The following CADM1 variants were observed in gnomAD, a reference collection of about 807,000 sequenced individuals.
CADM1 encodes the protein TSLC-1.
CADM1 carries 15 observed loss-of-function variants against 53.1 expected under a neutral mutation model. That is an observed-to-expected ratio of 0.28 (90% CI 0.19 to 0.44). The LOEUF is 0.44. Among genes scored for constraint, CADM1 ranks in the 20% least tolerant of loss-of-function variants. The pLI is 1.00. For synonymous variants in CADM1, 281 were observed against 243.0 expected (o/e 1.16, Z -1.45); for missense variants, 434 against 611.3 (o/e 0.71, Z 3.06).
chr11:115,338,616 T>C (rs1392635932), intron 1 of CADM1, among the ~76,000 whole-genome samples: 1 of 152,134 alleles, frequency 6.6e-6, no homozygotes, highest in Non-Finnish European at 1.5e-5. Context: ...CGGCAGATGC[T>C]CACACGTAGG....
At chr11:115,323,109 T>C (rs1198380371) in intron 1 of CADM1, among the ~76,000 whole-genome samples, 1 of 152,194 alleles carries the variant, frequency 6.6e-6, no homozygotes, top group African/African-American at 2.4e-5. Flanking sequence ...TATTGTCTTC[T>C]TGTTAAATTC....
At chr11:115,333,093 T>C (rs1450192086) in intron 1 of CADM1, among the ~76,000 whole-genome samples, 1 of 152,144 alleles carries the variant, frequency 6.6e-6, no homozygotes, top group Non-Finnish European at 1.5e-5. Flanking sequence ...CAAAGCTGTT[T>C]AGCAAATTCC....
intron 1 of CADM1, among the ~76,000 whole-genome samples, chr11:115,475,549 A>ATAG (rs1206137078): frequency 6.6e-6 from 1 of 152,236 alleles, no homozygotes; most frequent in East Asian, 1.9e-4. Flanking sequence ...GGGATAGACT[A>ATAG]TAGTACATCC....
chr11:115,326,441 T>C (rs973939406), intron 1 of CADM1, among the ~76,000 whole-genome samples: 2 of 152,208 alleles, frequency 1.3e-5, no homozygotes, highest in East Asian at 3.8e-4. Context: ...CAGACTAAAG[T>C]ACAATGTCCT....
In CADM1 at chr11:115,169,489, C is replaced by T; in HGVS notation, c.*6985G>A. On this transcript the variant is annotated 3_prime_UTR_variant, in exon 12 of 12. Coordinates refer to ENST00000331581, the MANE Select transcript of CADM1 (RefSeq NM_001301043.2). ...TTGGCAGGGAAGTAGGAGCAAAAAA[C>T]CCAAGTAGGACATTTCAGTTGACAG... 1 of 419,030 alleles carries T rather than the reference C, an allele frequency of 2.4e-6. No homozygotes were observed. The highest frequency in any genetic ancestry group is 4.8e-6 in the Non-Finnish European group (1 of 209,658). 26.0% of individuals were successfully genotyped at this position (419,030 alleles called of 1,614,324 possible).
intron 11 of CADM1, among the ~76,000 whole-genome samples, chr11:115,177,270 G>A (rs753729134): frequency 8.5e-5 from 13 of 152,132 alleles, no homozygotes; most frequent in Non-Finnish European, 1.2e-4. Flanking sequence ...GCCCGGACCC[G>A]GATTCATGGA....
At chr11:115,394,658 T>G (rs898791932) in intron 1 of CADM1, among the ~76,000 whole-genome samples, 3 of 152,196 alleles carry the variant, frequency 2.0e-5, no homozygotes, top group Non-Finnish European at 4.4e-5. Flanking sequence ...ACAATCTGCA[T>G]GCAGACTGAG....
chr11:115,311,610 T>C (rs17118230), intron 1 of CADM1, among the ~76,000 whole-genome samples: 19,288 of 152,090 alleles, frequency 0.13, 1,337 homozygotes, highest in Middle Eastern at 0.17. Context: ...AAGGGTCAAA[T>C]ATATCTCATT....
intron 1 of CADM1, among the ~76,000 whole-genome samples, chr11:115,329,938 CCTT>C (rs757097086): frequency 6.6e-6 from 1 of 151,414 alleles, no homozygotes; most frequent in Non-Finnish European, 1.5e-5. Flanking sequence ...TCTCTTCTCT[CCTT>C]CTCTACCACG....
chr11:115,422,159 G>T (rs11215547), intron 1 of CADM1, among the ~76,000 whole-genome samples: 2,022 of 152,280 alleles, frequency 0.013, 41 homozygotes, highest in African/African-American at 0.046. Context: ...AGATAAACGA[G>T]TTTAACTGGG....
intron 1 of CADM1, among the ~76,000 whole-genome samples, chr11:115,374,171 A>C (rs986803222): frequency 6.6e-6 from 1 of 152,204 alleles, no homozygotes; most frequent in African/African-American, 2.4e-5. Flanking sequence ...TTCTAAGATG[A>C]GCCTGGAATA....
chr11:115,209,752 T>C (rs1940866043), intron 7 of CADM1, 95 bp from the exon 8 acceptor site: 4 of 1,464,346 alleles, frequency 2.7e-6, no homozygotes, highest in Non-Finnish European at 3.7e-6. Flanking sequence ...TTGAGATGTT[T>C]GTTTGATGGC....
rs1010853774 is a variant in CADM1, at chr11:115,367,832, G to T, written c.125-127412C>A. Among the ~76,000 whole-genome samples, 53 of 151,432 alleles carry T rather than the reference G, an allele frequency of 3.5e-4. 2 individuals carry two copies. Among genetic ancestry groups the T allele is most frequent in the Non-Finnish European group, 1.3e-4 (9 of 67,884 alleles). On this transcript the variant is annotated intron_variant, in intron 1 of 11. Transcript: ENST00000331581. ...TTTATATATCCAAATTCAAATTTAA[G>T]TGAATCCTGAATATAAGATGATCTC...
At chr11:115,184,693 A>G (rs1480143684) in intron 10 of CADM1, among the ~76,000 whole-genome samples, 1 of 152,234 alleles carries the variant, frequency 6.6e-6, no homozygotes, top group Non-Finnish European at 1.5e-5. Context: ...ATTCAATTCT[A>G]GCAATGTAAC....
At chr11:115,426,753 C>T (rs977661553) in intron 1 of CADM1, among the ~76,000 whole-genome samples, 1 of 151,912 alleles carries the variant, frequency 6.6e-6, no homozygotes, top group Non-Finnish European at 1.5e-5. Flanking sequence ...TGGTTTAGCT[C>T]ATTTTGGTTC....
At chr11:115,425,767 A>G (rs1947874364) in intron 1 of CADM1, among the ~76,000 whole-genome samples, 1 of 152,238 alleles carries the variant, frequency 6.6e-6, no homozygotes. Context: ...CACTTCATAG[A>G]AAGACAAAGT....
chr11:115,280,089 T>G (rs558183342), intron 1 of CADM1, among the ~76,000 whole-genome samples: 39 of 152,212 alleles, frequency 2.6e-4, no homozygotes, highest in Non-Finnish European at 4.9e-4. Context: ...TGCTATCCAG[T>G]TAAGGATGTG....
intron 1 of CADM1, among the ~76,000 whole-genome samples, chr11:115,459,864 C>G (rs760362503): frequency 6.6e-6 from 1 of 152,206 alleles, no homozygotes; most frequent in Non-Finnish European, 1.5e-5. Context: ...CCTCCTACTA[C>G]TTCACCATAA....
intron 10 of CADM1, chr11:115,179,131 T>C (rs912228338): frequency 7.8e-5 from 26 of 334,904 alleles, no homozygotes; most frequent in Admixed American, 6.9e-4. Flanking sequence ...GACCTGACTA[T>C]TTGAGGGTGC....
Sources: gnomAD v4.1 joint callset for allele counts (sites outside exome capture counted in the v4.1 genomes callset) on GRCh38, gnomAD v4.1.1 for gene constraint, MANE v1.5 for transcripts, NCBI Gene and HGNC (gene_info 2026-07-23, HGNC 2026-07-21) for gene names.